Variants in SNTG1 observed in about 807,000 individuals in gnomAD.
SNTG1 encodes syntrophin gamma 1, also known as gamma-1-syntrophin.
In SNTG1, 39 loss-of-function variants were observed where a neutral mutation model predicts 74.7. The observed-to-expected ratio is 0.52, with a 90% CI of 0.40 to 0.68. The LOEUF is 0.68. SNTG1 is among the 30% of genes least tolerant of loss of function. The probability of loss-of-function intolerance (pLI) is 0.00; values close to 1 mark genes in which losing one functional copy is unlikely to be tolerated. For missense variants in SNTG1, 685 were observed against 609.5 expected (o/e 1.12, Z -1.30); for synonymous variants, 254 against 217.1 (o/e 1.17, Z -1.49).
intron 17 of SNTG1, among the ~76,000 whole-genome samples, chr8:50,744,336 A>G (rs2095550457): frequency 6.6e-6 from 1 of 152,056 alleles, no homozygotes; most frequent in Non-Finnish European, 1.5e-5. Flanking sequence ...TTTATTTACA[A>G]TAACATAAAG....
intron 2 of SNTG1, among the ~76,000 whole-genome samples, chr8:50,265,183 T>A (rs2087401588): frequency 6.6e-6 from 1 of 152,020 alleles, no homozygotes; most frequent in Admixed American, 6.5e-5. Context: ...CACAAAGAAA[T>A]AAAATTACCA....
At chr8:49,921,439 G>C (rs751031386) in intron 1 of SNTG1, among the ~76,000 whole-genome samples, 17 of 152,212 alleles carry the variant, frequency 1.1e-4, no homozygotes, top group Non-Finnish European at 1.9e-4. Flanking sequence ...TGTTTGGACT[G>C]TCAGATCCTC....
rs974539316 is a variant in SNTG1, at chr8:50,599,892, C to T, written c.849+8975C>T. Among the ~76,000 whole-genome samples, 4 of 152,056 alleles carry T rather than the reference C, an allele frequency of 2.6e-5. No homozygotes were observed. The East Asian group carries it at 7.7e-4, about 29-fold the overall frequency. ...GCTTGTCATGATCCAGACAAAGATG[C>T]TTTCAAGAAAGGCTTTCAGTTTTTC... On this transcript the variant is annotated intron_variant, in intron 13 of 18. Coordinates refer to ENST00000642720, the MANE Select transcript of SNTG1 (RefSeq NM_018967.5).
intron 11 of SNTG1, among the ~76,000 whole-genome samples, chr8:50,551,623 A>G (rs898623528): frequency 1.4e-4 from 21 of 152,216 alleles, no homozygotes; most frequent in African/African-American, 4.8e-4. Flanking sequence ...GCCATTATAC[A>G]TCAGAATTAA....
intron 2 of SNTG1, among the ~76,000 whole-genome samples, chr8:50,254,978 A>T (rs1289918751): frequency 2.4e-5 from 3 of 126,028 alleles, no homozygotes; most frequent in East Asian, 4.1e-4. Flanking sequence ...TTTTTGCTCC[A>T]GACATTTTTA....
intron 5 of SNTG1, among the ~76,000 whole-genome samples, chr8:50,442,287 GTAAC>G (rs1244836953): frequency 1.3e-5 from 2 of 152,138 alleles, no homozygotes; most frequent in Non-Finnish European, 2.9e-5. Flanking sequence ...GATCAAATGA[GTAAC>G]TGAGCCATAA....
At position 50,656,991 on chromosome 8, in the gene SNTG1, G is replaced by T; in HGVS notation, c.932G>T (p.Arg311Met). 6.3e-7 allele frequency: 1 copy of T among 1,584,150 alleles called. No homozygotes were observed. The change falls in exon 14 of 19, where the codon AGG becomes ATG. Residue 311 changes from arginine to methionine, a missense_variant. By Grantham distance (91) the Arg-to-Met change is moderately conservative. Coordinates refer to ENST00000642720, the MANE Select transcript of SNTG1 (RefSeq NM_018967.5). ...TACTCCCCGACCTTCCTGGCCCTGA[G>T]GGGCTCATGTCTCTACAAGTTTCTG... Reference protein sequence around the residue: ...RVYSPTFLALRGSCLYKFLAP... With the variant: ...RVYSPTFLALMGSCLYKFLAP...
chr8:50,632,679 A>G (rs1459548911), intron 13 of SNTG1, among the ~76,000 whole-genome samples: 1 of 151,984 alleles, frequency 6.6e-6, no homozygotes, highest in Non-Finnish European at 1.5e-5. Context: ...TGAAATAATA[A>G]ATAAGTAAAA....
At chr8:50,779,533 T>C (rs764422352) in intron 18 of SNTG1, among the ~76,000 whole-genome samples, 1 of 152,338 alleles carries the variant, frequency 6.6e-6, no homozygotes, top group East Asian at 1.9e-4. Context: ...AGAATGCTTG[T>C]GATTTTTGTA....
At chr8:50,185,650 T>C (rs1047542822) in intron 2 of SNTG1, among the ~76,000 whole-genome samples, 6 of 152,180 alleles carry the variant, frequency 3.9e-5, no homozygotes, top group African/African-American at 1.4e-4. Flanking sequence ...ATAATATATG[T>C]TAATTGGTTA....
At chr8:50,256,766 G>A (rs1001735206) in intron 2 of SNTG1, among the ~76,000 whole-genome samples, 1 of 128,936 alleles carries the variant, frequency 7.8e-6, no homozygotes, top group Admixed American at 8.8e-5. Flanking sequence ...CTGCTTAACT[G>A]GAAAAAAGGG....
At chr8:50,080,748 A>AATATG (rs1822328015) in intron 1 of SNTG1, among the ~76,000 whole-genome samples, 2 of 152,154 alleles carry the variant, frequency 1.3e-5, no homozygotes, top group Non-Finnish European at 2.9e-5. Flanking sequence ...GAAAGCTGAC[A>AATATG]CAGCCAATAT....
At chr8:50,487,697 G>GGA (rs1554544224) in intron 8 of SNTG1, among the ~76,000 whole-genome samples, 1 of 24,976 alleles carries the variant, frequency 4.0e-5, no homozygotes, top group African/African-American at 5.9e-5. Flanking sequence ...TGGGGTCGGA[G>GGA]GGGGGGGAGG....
chr8:50,471,316 G>C (rs1344370989), intron 8 of SNTG1, among the ~76,000 whole-genome samples: 4 of 151,278 alleles, frequency 2.6e-5, no homozygotes, highest in Non-Finnish European at 5.9e-5. Flanking sequence ...AATTTTATGA[G>C]CTAATACCTT....
intron 2 of SNTG1, among the ~76,000 whole-genome samples, chr8:50,378,094 G>A (rs1261058960): frequency 3.9e-5 from 6 of 152,216 alleles, no homozygotes; most frequent in Admixed American, 6.5e-5. Context: ...GCCTGCCAGG[G>A]CAAGTCATGC....
intron 17 of SNTG1, among the ~76,000 whole-genome samples, chr8:50,724,678 A>G (rs963447740): frequency 4.6e-5 from 7 of 152,156 alleles, no homozygotes; most frequent in Non-Finnish European, 7.4e-5. Flanking sequence ...TATGAATGGC[A>G]TGTTCACCAA....
chr8:50,502,312 G>T (rs534624310), intron 8 of SNTG1, among the ~76,000 whole-genome samples: 1 of 152,248 alleles, frequency 6.6e-6, no homozygotes, highest in Non-Finnish European at 1.5e-5. Context: ...GGCAGAATCA[G>T]ATTTTTATGC....
intron 9 of SNTG1, among the ~76,000 whole-genome samples, chr8:50,522,697 A>G (rs2094189970): frequency 6.6e-6 from 1 of 151,322 alleles, no homozygotes; most frequent in Non-Finnish European, 1.5e-5. Context: ...TCCTGCCACA[A>G]CCTCCCAAGT....
chr8:49,980,506 C>T, intron 1 of SNTG1, among the ~76,000 whole-genome samples: 1 of 110,282 alleles, frequency 9.1e-6, no homozygotes. Flanking sequence ...ACATCCCTTC[C>T]TGTAGACTCC....
Sources: allele counts gnomAD v4.1 joint callset (sites outside exome capture counted in the v4.1 genomes callset), GRCh38; gene constraint gnomAD v4.1.1; transcripts MANE v1.5; gene names NCBI Gene and HGNC (gene_info 2026-07-23, HGNC 2026-07-21).